The following NSF variants were observed in gnomAD, a reference collection of about 807,000 sequenced individuals.
NSF encodes N-ethylmaleimide sensitive factor, vesicle fusing ATPase.
Under a neutral mutation model 50.3 loss-of-function variants are expected in NSF, and 14 were observed. The observed-to-expected ratio is 0.28, with a 90% CI of 0.18 to 0.44. The LOEUF (loss-of-function observed/expected upper bound fraction) is 0.44, where lower values mean the gene tolerates loss of function less well. NSF is among the 20% of genes least tolerant of loss of function. NSF has a pLI of 1.00. For synonymous variants in NSF, 109 were observed against 175.7 expected, an observed-to-expected ratio of 0.62 and a Z score of 3.00; for missense variants, 218 against 504.3, an observed-to-expected ratio of 0.43 and a Z score of 5.44.
chr17:46,722,850 C>T (rs546856089), intron 15 of NSF, among the ~76,000 whole-genome samples: 1 of 152,302 alleles, frequency 6.6e-6, no homozygotes, highest in South Asian at 2.1e-4. Context: ...AGTCAAGTTA[C>T]AACTGGAATT....
chr17:46,742,154 T>C (rs1046201637), intron 17 of NSF, among the ~76,000 whole-genome samples: 7 of 152,356 alleles, frequency 4.6e-5, no homozygotes, highest in African/African-American at 1.4e-4. Context: ...AGCTAATCAA[T>C]TGATTAAAAG....
intron 12 of NSF, among the ~76,000 whole-genome samples, chr17:46,699,421 AC>A: frequency 6.6e-6 from 1 of 152,142 alleles, no homozygotes; most frequent in African/African-American, 2.4e-5. Context: ...ACACACACAC[AC>A]ACACACTTTC....
chr17:46,743,655 CT>C (rs1314777531), intron 17 of NSF, among the ~76,000 whole-genome samples: 1 of 152,158 alleles, frequency 6.6e-6, no homozygotes, highest in Admixed American at 6.5e-5. Context: ...GCATAAGACA[CT>C]GGTTAAAAGG....
chr17:46,656,040 T>C (rs1188578337), intron 8 of NSF, among the ~76,000 whole-genome samples: 1 of 27,296 alleles, frequency 3.7e-5, no homozygotes, highest in Non-Finnish European at 5.8e-5. Flanking sequence ...TTTATGACTT[T>C]TATTATCTTA....
chr17:46,661,378 T>TTTATTATTATTATTATTATTATTATTA (rs892367324), intron 8 of NSF, among the ~76,000 whole-genome samples: 1 of 106,564 alleles, frequency 9.4e-6, no homozygotes, highest in African/African-American at 4.4e-5. Flanking sequence ...TACATTTCTT[T>TTTATTATTATTATTATTATTATTATTA]TTATTATTAT....
intron 15 of NSF, among the ~76,000 whole-genome samples, chr17:46,722,574 C>T (rs1366703606): frequency 1.3e-5 from 2 of 152,166 alleles, no homozygotes; most frequent in Admixed American, 1.3e-4. Context: ...GCTAACCTCA[C>T]GTACTTGCCA....
intron 17 of NSF, among the ~76,000 whole-genome samples, chr17:46,749,250 G>A (rs914475656): frequency 6.6e-6 from 1 of 152,088 alleles, no homozygotes; most frequent in Non-Finnish European, 1.5e-5. Context: ...ATATTTTGGG[G>A]TTAAAAGTAA....
At chr17:46,751,189 T>G (rs539106553) in intron 18 of NSF, among the ~76,000 whole-genome samples, 1 of 152,340 alleles carries the variant, frequency 6.6e-6, no homozygotes, top group East Asian at 1.9e-4. Context: ...ACATACAGAT[T>G]GTTCCTAGAA....
At chr17:46,726,476 G>A in intron 15 of NSF, 73 bp from the exon 16 acceptor site, 2 of 1,358,870 alleles carry the variant, frequency 1.5e-6, no homozygotes, top group Non-Finnish European at 2.1e-6. Context: ...TGCTCAAGAA[G>A]TAACTAAACT....
At chr17:46,657,975 T>TTC in intron 8 of NSF, among the ~76,000 whole-genome samples, 1 of 65,440 alleles carries the variant, frequency 1.5e-5, no homozygotes, top group Non-Finnish European at 3.0e-5. Context: ...TATTTATTTT[T>TTC]TTTTTTTTTG....
At chr17:46,753,608 A>C (rs2059205149) in intron 19 of NSF, among the ~76,000 whole-genome samples, 1 of 151,650 alleles carries the variant, frequency 6.6e-6, no homozygotes, top group African/African-American at 2.4e-5. Context: ...TTTCAGTATA[A>C]TTTTTTTTCA....
At chr17:46,711,916 A>G (rs1428673989) in intron 14 of NSF, among the ~76,000 whole-genome samples, 1 of 152,158 alleles carries the variant, frequency 6.6e-6, no homozygotes, top group African/African-American at 2.4e-5. Context: ...AGAAAGGGAG[A>G]TTATCCTGAC....
chr17:46,728,992 T>C lies in NSF; in HGVS notation c.1908+58T>C, dbSNP rs758899516. On this transcript the variant is annotated intron_variant, in intron 17 of 20. Transcript: ENST00000398238. ...ACAAAGAGTTTTTCAGTAAATCGCATATAATGATACAATCTTTAAATAAGC... is the reference window on the plus strand; with the variant it reads ...ACAAAGAGTTTTTCAGTAAATCGCACATAATGATACAATCTTTAAATAAGC... 3.6e-5 allele frequency: 38 copies of C among 1,049,218 alleles called. No homozygotes were observed. In the Middle Eastern group the frequency reaches 6.2e-4, roughly 17 times the overall value. 65.0% of individuals were successfully genotyped at this position (1,049,218 alleles called of 1,614,324 possible).
intron 17 of NSF, among the ~76,000 whole-genome samples, chr17:46,743,355 C>A (rs936097133): frequency 2.6e-5 from 4 of 152,192 alleles, no homozygotes; most frequent in African/African-American, 9.7e-5. Flanking sequence ...CCCACCTGTT[C>A]AGATGCTTGC....
intron 8 of NSF, among the ~76,000 whole-genome samples, chr17:46,657,926 A>G (rs1463159348): frequency 1.1e-5 from 1 of 87,552 alleles, no homozygotes; most frequent in African/African-American, 5.2e-5. Flanking sequence ...TGAAGAGCTC[A>G]CCACATTTCT....
At chr17:46,711,986 G>T (rs770191306) in intron 14 of NSF, among the ~76,000 whole-genome samples, 25 of 152,144 alleles carry the variant, frequency 1.6e-4, no homozygotes, top group Non-Finnish European at 2.8e-4. Flanking sequence ...CCATATTAAA[G>T]ATTTAAACTA....
rs745533640 is a variant in NSF, at chr17:46,704,809, G to C, written c.1425G>C (p.Val475=). ...VDMEKAESLQ[V]TRGDFLASLE... ...TGGAGAAAGCAGAAAGCCTGCAAGTGACGAGAGGAGACTTCCTTGCTTCTT... is the reference window on the plus strand; with the variant it reads ...TGGAGAAAGCAGAAAGCCTGCAAGTCACGAGAGGAGACTTCCTTGCTTCTT... The change falls in exon 13 of 21, where the codon GTG becomes GTC. Residue 475 remains valine, a synonymous_variant. Coordinates refer to ENST00000398238, the MANE Select transcript of NSF (RefSeq NM_006178.4). 2.5e-6 allele frequency: 4 copies of C among 1,609,698 alleles called. No homozygotes were observed. In the South Asian group the frequency reaches 4.4e-5, roughly 18 times the overall value.
At chr17:46,718,737 ATAATAT>A (rs935232611) in intron 15 of NSF, among the ~76,000 whole-genome samples, 2 of 152,224 alleles carry the variant, frequency 1.3e-5, no homozygotes, top group African/African-American at 4.8e-5. Flanking sequence ...TCAAATGAAG[ATAATAT>A]TAATAGCTGC....
intron 4 of NSF, among the ~76,000 whole-genome samples, chr17:46,631,061 T>TTCACACAC (rs560594764): frequency 1.6e-5 from 2 of 122,772 alleles, no homozygotes; most frequent in Non-Finnish European, 3.2e-5. Context: ...TCTCTCTCTG[T>TTCACACAC]ACACACACAC....
Sources: allele counts gnomAD v4.1 joint callset (sites outside exome capture counted in the v4.1 genomes callset), GRCh38; gene constraint gnomAD v4.1.1; transcripts MANE v1.5; gene names NCBI Gene and HGNC (gene_info 2026-07-23, HGNC 2026-07-21).